Variants in PLEKHG1 observed in about 807,000 individuals in gnomAD.
PLEKHG1 encodes pleckstrin homology and RhoGEF domain containing G1.
In PLEKHG1, 44 loss-of-function variants were observed where a neutral mutation model predicts 100.8. The ratio of observed to expected loss-of-function variants is 0.44; its 90% CI spans 0.34 to 0.56. The LOEUF (loss-of-function observed/expected upper bound fraction) is 0.56, where lower values mean the gene tolerates loss of function less well. Among genes scored for constraint, PLEKHG1 ranks in the 20% least tolerant of loss-of-function variants. The pLI is 0.01. For synonymous variants in PLEKHG1, 640 were observed against 662.5 expected, an observed-to-expected ratio of 0.97 and a Z score of 0.52; for missense variants, 1,545 against 1,720.9, an observed-to-expected ratio of 0.90 and a Z score of 1.81.
At chr6:150,777,991 G>A (rs1037296849) in intron 3 of PLEKHG1, among the ~76,000 whole-genome samples, 9 of 152,206 alleles carry the variant, frequency 5.9e-5, no homozygotes, top group Admixed American at 2.6e-4. Context: ...TGTACTTTGC[G>A]TGTTTGCATA....
At chr6:150,684,766 G>T (rs559976870) in intron 3 of PLEKHG1, among the ~76,000 whole-genome samples, 19 of 151,846 alleles carry the variant, frequency 1.3e-4, no homozygotes, top group African/African-American at 4.6e-4. Flanking sequence ...ATGGCGGGGG[G>T]TTGGGGTGTA....
chr6:150,827,671 C>A, intron 14 of PLEKHG1: 1 of 910,444 alleles, frequency 1.1e-6, no homozygotes, highest in South Asian at 1.3e-5. Flanking sequence ...AGATGCAGGA[C>A]CCCAACGCAG....
chr6:150,837,667 A>G (rs991289426), intron 15 of PLEKHG1, among the ~76,000 whole-genome samples: 4 of 152,256 alleles, frequency 2.6e-5, no homozygotes, highest in African/African-American at 9.6e-5. Flanking sequence ...TGAGCAGACC[A>G]TCTGCCTTTC....
intron 4 of PLEKHG1, among the ~76,000 whole-genome samples, chr6:150,793,184 A>G: frequency 6.6e-6 from 1 of 152,154 alleles, no homozygotes; most frequent in Admixed American, 6.5e-5. Context: ...CAGGGGGATC[A>G]CTTGAGCCCA....
chr6:150,756,077 G>A (rs2128631853), intron 2 of PLEKHG1, among the ~76,000 whole-genome samples: 1 of 152,214 alleles, frequency 6.6e-6, no homozygotes, highest in East Asian at 1.9e-4. Context: ...AAAGAGGGAA[G>A]AAAATTTTCC....
chr6:150,699,319 G>A (rs9480537), intron 3 of PLEKHG1, among the ~76,000 whole-genome samples: 15,818 of 152,264 alleles, frequency 0.1, 2,308 homozygotes, highest in African/African-American at 0.33. Flanking sequence ...GTGCCTGGCA[G>A]GGATTCAGAA....
At chr6:150,794,760 G>T (rs1372357078) in intron 4 of PLEKHG1, among the ~76,000 whole-genome samples, 1 of 152,048 alleles carries the variant, frequency 6.6e-6, no homozygotes, top group Non-Finnish European at 1.5e-5. Flanking sequence ...GGGAAGCAGG[G>T]GAATGGGGGG....
At chr6:150,724,452 C>A (rs774228408) in intron 1 of PLEKHG1, among the ~76,000 whole-genome samples, 40 of 152,164 alleles carry the variant, frequency 2.6e-4, no homozygotes, top group Non-Finnish European at 4.7e-4. Context: ...TCCTTCATCC[C>A]CCACACTAAG....
chr6:150,734,829 A>C (rs78275134), intron 2 of PLEKHG1, among the ~76,000 whole-genome samples: 1 of 152,156 alleles, frequency 6.6e-6, no homozygotes, highest in East Asian at 1.9e-4. Context: ...AATTGAGCTC[A>C]GCTTATGTGC....
intron 3 of PLEKHG1, among the ~76,000 whole-genome samples, chr6:150,705,865 G>A (rs917175116): frequency 6.6e-6 from 1 of 152,154 alleles, no homozygotes; most frequent in African/African-American, 2.4e-5. Flanking sequence ...ATAAACACTG[G>A]GATGGCATGC....
intron 3 of PLEKHG1, chr6:150,662,985 G>A (rs931266689): frequency 3.9e-5 from 6 of 152,120 alleles, no homozygotes; most frequent in African/African-American, 1.2e-4. Context: ...TACTCATGGG[G>A]TCACTTTAGA....
chr6:150,704,583 T>C (rs1780930575), intron 3 of PLEKHG1, among the ~76,000 whole-genome samples: 1 of 152,266 alleles, frequency 6.6e-6, no homozygotes, highest in East Asian at 1.9e-4. Flanking sequence ...TTCTCAACCT[T>C]ACATCACCCA....
At chr6:150,724,558 C>CTTTCTT (rs1554263602) in intron 1 of PLEKHG1, among the ~76,000 whole-genome samples, 1 of 100,472 alleles carries the variant, frequency 1.0e-5, no homozygotes, top group African/African-American at 3.9e-5. Flanking sequence ...TTTTCTTTTT[C>CTTTCTT]TTTTTTTTTT....
At chr6:150,789,829 G>A (rs189889854) in intron 4 of PLEKHG1, among the ~76,000 whole-genome samples, 1 of 152,066 alleles carries the variant, frequency 6.6e-6, no homozygotes, top group Non-Finnish European at 1.5e-5. Context: ...AGTCACTCTG[G>A]CATTTTCATC....
intron 1 of PLEKHG1, among the ~76,000 whole-genome samples, chr6:150,609,428 G>C (rs1003542918): frequency 6.6e-6 from 1 of 152,118 alleles, no homozygotes; most frequent in African/African-American, 2.4e-5. Flanking sequence ...ATGCTAGACT[G>C]GGGAAGAGAG....
intron 2 of PLEKHG1, among the ~76,000 whole-genome samples, chr6:150,756,236 G>A (rs895641232): frequency 1.1e-4 from 17 of 152,112 alleles, no homozygotes; most frequent in Admixed American, 3.3e-4. Context: ...TTTGGCCCAC[G>A]CACCTTGCAG....
At chr6:150,789,726 G>A (rs1273705988) in intron 4 of PLEKHG1, among the ~76,000 whole-genome samples, 1 of 152,194 alleles carries the variant, frequency 6.6e-6, no homozygotes, top group Non-Finnish European at 1.5e-5. Flanking sequence ...TATAGCAAGA[G>A]GCAGGAAAGA....
At chr6:150,674,666 TCTCTCTCTCTCTCTCTCC>T (rs1277546050) in intron 3 of PLEKHG1, among the ~76,000 whole-genome samples, 13 of 143,612 alleles carry the variant, frequency 9.1e-5, no homozygotes, top group South Asian at 7.0e-4. Flanking sequence ...TCTCTCTCTC[TCTCTCTCTCTCTCTCTCC>T]CCCCTCTTCT....
chr6:150,803,778 T>C (rs2167), intron 6 of PLEKHG1, among the ~76,000 whole-genome samples: 59,388 of 151,918 alleles, frequency 0.39, 13,122 homozygotes, highest in East Asian at 0.71. Context: ...TAGTTTTCGC[T>C]ATATTTTTGA....
Sources: allele counts gnomAD v4.1 joint callset (sites outside exome capture counted in the v4.1 genomes callset), GRCh38; gene constraint gnomAD v4.1.1; transcripts MANE v1.5; gene names NCBI Gene and HGNC (gene_info 2026-07-23, HGNC 2026-07-21).